The following GABRR1 variants were observed in gnomAD, a reference collection of about 807,000 sequenced individuals.
GABRR1 encodes the protein gamma-aminobutyric acid type A receptor subunit rho1, also known as gamma-aminobutyric acid receptor subunit rho-1.
Under a neutral mutation model 55.5 loss-of-function variants are expected in GABRR1, and 59 were observed. The ratio of observed to expected loss-of-function variants is 1.06; its 90% confidence interval spans 0.86 to 1.32. The LOEUF is 1.32. Among genes scored for constraint, GABRR1 ranks in the 40% most tolerant of loss-of-function variants. The pLI is 0.00. For missense variants in GABRR1, 602 were observed against 619.1 expected, an observed-to-expected ratio of 0.97 and a Z score of 0.29; for synonymous variants, 213 against 226.0, an observed-to-expected ratio of 0.94 and a Z score of 0.51.
At chr6:89,192,559 T>G (rs1311853340) in intron 5 of GABRR1, among the ~76,000 whole-genome samples, 1 of 148,986 alleles carries the variant, frequency 6.7e-6, no homozygotes, top group African/African-American at 2.4e-5. Flanking sequence ...CTTCTTCTTC[T>G]TCTTCTTTTT....
intron 1 of GABRR1, among the ~76,000 whole-genome samples, chr6:89,207,769 T>C (rs1562308967): frequency 6.6e-6 from 1 of 152,070 alleles, no homozygotes; most frequent in African/African-American, 2.4e-5. Context: ...CAGCCAGCAA[T>C]AGTTTTCAAA....
In GABRR1 at chr6:89,226,404, C is replaced by T. The variant is rs930146647; in HGVS notation, c.-411+4812G>A. 3.3e-3 allele frequency among the ~76,000 whole-genome samples: 483 copies of T among 146,926 alleles called. 2 individuals carry two copies. The highest frequency in any genetic ancestry group is 4.8e-3 in the Admixed American group (71 of 14,814). Reference sequence around the variant, plus strand: ...AGGGTTTTTATGGTTTTAGGTCTAACGTTTAAATCTTTAATCCATCTTGAA... The same window carrying T: ...AGGGTTTTTATGGTTTTAGGTCTAATGTTTAAATCTTTAATCCATCTTGAA... On this transcript the variant is annotated intron_variant, in intron 1 of 11. Transcript: ENST00000369451.
chr6:89,220,106 A>G (rs553287810), upstream of GABRR1, among the ~76,000 whole-genome samples: 1 of 152,338 alleles, frequency 6.6e-6, no homozygotes, highest in African/African-American at 2.4e-5. Context: ...TGAACAGGAC[A>G]ATAAGGCATT....
At chr6:89,205,184 T>C (rs1486527309) in intron 1 of GABRR1, among the ~76,000 whole-genome samples, 1 of 152,196 alleles carries the variant, frequency 6.6e-6, no homozygotes, top group Non-Finnish European at 1.5e-5. Flanking sequence ...ACAAAGACTT[T>C]AAATAACTTG....
At chr6:89,187,985 C>T (rs1771964666) in intron 6 of GABRR1, among the ~76,000 whole-genome samples, 1 of 151,976 alleles carries the variant, frequency 6.6e-6, no homozygotes. Flanking sequence ...GTTATTTACC[C>T]AGAAATGGAT....
rs1321385694 is a variant in GABRR1, at chr6:89,178,683, T to A, written c.*87A>T. ...ATGGGTGGGTCCTGGGATTTTTTTT[T>A]AACCATATCCTTAAATACTTTTTCA... On this transcript the variant is annotated 3_prime_UTR_variant, in exon 10 of 10. Coordinates refer to ENST00000454853, the MANE Select transcript of GABRR1 (RefSeq NM_002042.5). 4.9e-6 allele frequency: 6 copies of A among 1,228,314 alleles called. No individual in the cohort carries two copies. The highest frequency in any genetic ancestry group is 6.8e-6 in the Non-Finnish European group (6 of 879,634). 76.1% of individuals were successfully genotyped at this position (1,228,314 alleles called of 1,614,324 possible).
chr6:89,190,207 A>G lies in GABRR1; in HGVS notation c.613T>C (p.Phe205Leu). The G allele has an allele frequency of 6.2e-7, 1 of 1,611,890 alleles. No homozygotes were observed. Among genetic ancestry groups the G allele is most frequent in the Non-Finnish European group, 8.5e-7 (1 of 1,178,998 alleles). Residue 205 changes from phenylalanine to leucine, a missense_variant, in exon 6 of 10, where the codon TTT becomes CTT. By Grantham distance (22) the Phe-to-Leu change is conservative (BLOSUM62 0). Around this residue, in one of 3 missense-constraint regions of GABRR1, gnomAD observed 435 missense variants for 424.2 expected, o/e 1.03. Coordinates refer to ENST00000454853, the MANE Select transcript of GABRR1 (RefSeq NM_002042.5). ...TAMCNMDFSRFPLDTQTCSLE... is the reference protein window; with the variant it reads ...TAMCNMDFSRLPLDTQTCSLE... Reference sequence around the variant, plus strand: ...GAGCACGTTTGTGTGTCCAAGGGAAATCGGCTGAAGTCCATGTTGCACATT... The same window carrying G: ...GAGCACGTTTGTGTGTCCAAGGGAAGTCGGCTGAAGTCCATGTTGCACATT...
At chr6:89,216,625 A>T (rs1046112270) in intron 1 of GABRR1, among the ~76,000 whole-genome samples, 1 of 152,188 alleles carries the variant, frequency 6.6e-6, no homozygotes, top group Admixed American at 6.5e-5. Context: ...ACAGGGCACC[A>T]TGCACCTTTG....
chr6:89,207,861 C>T (rs1002390635), intron 1 of GABRR1, among the ~76,000 whole-genome samples: 2 of 152,216 alleles, frequency 1.3e-5, no homozygotes, highest in Non-Finnish European at 2.9e-5. Flanking sequence ...TCTCTGAGGC[C>T]ATGACCTGGT....
At chr6:89,207,857 A>G (rs1481037608) in intron 1 of GABRR1, among the ~76,000 whole-genome samples, 1 of 152,210 alleles carries the variant, frequency 6.6e-6, no homozygotes, top group Non-Finnish European at 1.5e-5. Context: ...CAGCTCTCTG[A>G]GGCCATGACC....
chr6:89,205,517 A>G (rs576136904), intron 1 of GABRR1: 1 of 152,198 alleles, frequency 6.6e-6, no homozygotes, highest in African/African-American at 2.4e-5. Context: ...ACCCACTTTT[A>G]TTTTGGATCA....
chr6:89,186,270 C>G (rs1771898046), intron 6 of GABRR1, among the ~76,000 whole-genome samples: 1 of 152,236 alleles, frequency 6.6e-6, no homozygotes, highest in Non-Finnish European at 1.5e-5. Flanking sequence ...ATTATACAAT[C>G]AAACACTAAT....
In GABRR1 at chr6:89,181,921, A is replaced by G. The variant is rs1771734292; in HGVS notation, c.933T>C (p.Pro311=). 1 of 1,613,188 alleles carries G rather than the reference A, an allele frequency of 6.2e-7. No homozygotes were observed. The highest frequency in any genetic ancestry group is 8.5e-7 in the Non-Finnish European group (1 of 1,179,564). The change falls in exon 8 of 10, where the codon CCT becomes CCC. Residue 311 remains proline (P), a synonymous_variant. Coordinates refer to ENST00000454853, the MANE Select transcript of GABRR1 (RefSeq NM_002042.5). ...ATTCCTTACCTAAGGGGACTCTGGC[A>G]GGCACGGCTCTGCGGTCGATCCAGA... ...VSFWIDRRAV[P]ARVPLGITTV... is the part of the protein sequence containing the mutation.
At chr6:89,226,109 G>A (rs1453628781) in intron 1 of GABRR1, among the ~76,000 whole-genome samples, 2 of 152,080 alleles carry the variant, frequency 1.3e-5, no homozygotes, top group African/African-American at 4.8e-5. Flanking sequence ...TTTTGATGGG[G>A]TTGTTTGTTT....
chr6:89,198,220 C>A lies in GABRR1; in HGVS notation c.372G>T (p.Leu124=). The A allele has an allele frequency of 6.2e-7, 1 of 1,613,908 alleles. No individual in the cohort carries two copies. Among genetic ancestry groups the A allele is most frequent in the African/African-American group, 1.3e-5 (1 of 74,976 alleles). Residue 124 remains leucine (L), a synonymous_variant, in exon 5 of 10, where the codon CTG becomes CTT. Transcript: ENST00000454853. The part of the protein sequence containing the change: ...VDMDFTMTLY[L]RHYWKDERLS... ...GCCTCTCGTCCTTCCAGTAGTGCCT[C>A]AGGTAGAGGGTCATCGTAAAGTCCT...
At chr6:89,205,896 G>GC (rs200965566) in intron 1 of GABRR1, among the ~76,000 whole-genome samples, 1,120 of 87,992 alleles carry the variant, frequency 0.013, 20 homozygotes, top group African/African-American at 0.045. Context: ...TCCACCCCCC[G>GC]CCCCCCCATC....
At chr6:89,190,934 T>C (rs1033350608) in intron 5 of GABRR1, among the ~76,000 whole-genome samples, 1 of 152,216 alleles carries the variant, frequency 6.6e-6, no homozygotes, top group Non-Finnish European at 1.5e-5. Flanking sequence ...TCATTCTTCA[T>C]AGTGAAAAGC....
chr6:89,190,084 C>A, intron 6 of GABRR1, 81 bp downstream of exon 6: 2 of 939,940 alleles, frequency 2.1e-6, no homozygotes, highest in Non-Finnish European at 3.2e-6. Context: ...AAGGAACACA[C>A]ACTGTTCCTG....
In GABRR1 at chr6:89,223,109, T is replaced by G. The variant is rs574004904; in HGVS notation, c.-410-1663A>C. The stretch of plus-strand genomic sequence containing the variant: ...GGTGGTATTTGGTTACATGAGTAAG[T>G]TCTTTAGTGGTAATTCGTGGGATTT... On this transcript the variant is annotated intron_variant, in intron 1 of 11. Transcript: ENST00000369451. Among the ~76,000 whole-genome samples, 12 of 152,204 alleles carry G rather than the reference T, an allele frequency of 7.9e-5. No individual in the cohort carries two copies. In the South Asian group the frequency reaches 2.5e-3, roughly 32 times the overall value.
Sources: allele counts gnomAD v4.1 joint callset (sites outside exome capture counted in the v4.1 genomes callset), GRCh38; gene constraint gnomAD v4.1.1; regional missense constraint gnomAD v4.1.1; transcripts MANE v1.5; gene names NCBI Gene and HGNC (gene_info 2026-07-23, HGNC 2026-07-21).